Variants in SHISAL1 observed in about 807,000 individuals in gnomAD.
SHISAL1 encodes shisa like 1.
In SHISAL1, 9 loss-of-function variants were observed where a neutral mutation model predicts 22.6. That is an observed-to-expected ratio of 0.40 (90% confidence interval 0.24 to 0.70). The LOEUF (loss-of-function observed/expected upper bound fraction) is 0.70, where lower values mean the gene tolerates loss of function less well. SHISAL1 is among the 30% of genes least tolerant of loss of function. SHISAL1 has a pLI of 0.39. For missense variants in SHISAL1, 246 were observed against 270.6 expected (o/e 0.91, Z 0.64); for synonymous variants, 119 against 115.4 (o/e 1.03, Z -0.20).
intron 4 of SHISAL1, among the ~76,000 whole-genome samples, chr22:44,284,745 C>G (rs135389): frequency 0.57 from 86,434 of 151,966 alleles, 24,867 homozygotes; most frequent in Middle Eastern, 0.62. Context: ...GCTGCACTAC[C>G]CAGGGCCGCC....
At chr22:44,266,928 G>A (rs1171070960) in intron 4 of SHISAL1, among the ~76,000 whole-genome samples, 1 of 152,140 alleles carries the variant, frequency 6.6e-6, no homozygotes, top group Non-Finnish European at 1.5e-5. Context: ...CTTTGCTTCA[G>A]AAAGAAGCTG....
At chr22:44,300,462 G>A in intron 2 of SHISAL1, among the ~76,000 whole-genome samples, 1 of 152,236 alleles carries the variant, frequency 6.6e-6, no homozygotes, top group East Asian at 1.9e-4. Context: ...CCAGGAGGCT[G>A]GTCGGGCTAG....
the SHISAL1 span, among the ~76,000 whole-genome samples, chr22:44,330,850 C>A: frequency 6.6e-6 from 1 of 152,116 alleles, no homozygotes; most frequent in African/African-American, 2.4e-5. Context: ...TGATTCGGCC[C>A]CGGAGGCGAC....
chr22:44,256,043 C>A (rs1257361575), intron 4 of SHISAL1, among the ~76,000 whole-genome samples: 1 of 152,226 alleles, frequency 6.6e-6, no homozygotes, highest in East Asian at 1.9e-4. Flanking sequence ...GGAATTCATG[C>A]TATCTCTGCC....
chr22:44,270,795 G>A (rs769957972), intron 4 of SHISAL1, among the ~76,000 whole-genome samples: 12 of 152,172 alleles, frequency 7.9e-5, no homozygotes, highest in South Asian at 2.1e-4. Flanking sequence ...CACCACTGAC[G>A]GCTGCTTCCA....
chr22:44,285,858 G>A (rs1025136158), intron 3 of SHISAL1, 113 bp from the exon 4 acceptor site: 69 of 907,822 alleles, frequency 7.6e-5, no homozygotes, highest in Admixed American at 2.4e-4. Flanking sequence ...TGGGGTCCCC[G>A]GGAGGAGGGT....
chr22:44,268,510 A>T (rs2055181286), intron 4 of SHISAL1, among the ~76,000 whole-genome samples: 4 of 152,148 alleles, frequency 2.6e-5, no homozygotes, highest in Admixed American at 2.0e-4. Flanking sequence ...GCCTGAGGTT[A>T]AACAGCGAGG....
chr22:44,319,400 C>A, the SHISAL1 span, among the ~76,000 whole-genome samples: 1 of 152,246 alleles, frequency 6.6e-6, no homozygotes, highest in South Asian at 2.1e-4. Context: ...AGGACTCAGG[C>A]TCTTGGCCTT....
chr22:44,313,981 TG>T (rs796115491), upstream of SHISAL1, among the ~76,000 whole-genome samples: 1 of 152,142 alleles, frequency 6.6e-6, no homozygotes, highest in South Asian at 2.1e-4. Context: ...CAGGGGGCTA[TG>T]GGCGCCCAGA....
rs777668181 is a variant in SHISAL1 at position 44,248,814 on chromosome 22, C to T, written c.*871G>A. 12 of 152,248 alleles carry T rather than the reference C, an allele frequency of 7.9e-5. No individual in the cohort carries two copies. Among genetic ancestry groups the T allele is most frequent in the Middle Eastern group, 3.4e-3 (1 of 294 alleles). The allele number at this position is 152,248 out of a possible 1,614,324, so 9.4% of individuals were successfully genotyped here. A position where few individuals can be genotyped will look rare whatever the true frequency, so the allele number is the denominator to read the frequency against. Reference sequence around the variant, plus strand: ...TGTACCCCGGCTGGCGAGCATGTCACGTCCAGGGAGTTGGAGCCTGGACTT... The same window carrying T: ...TGTACCCCGGCTGGCGAGCATGTCATGTCCAGGGAGTTGGAGCCTGGACTT... On this transcript the variant is annotated 3_prime_UTR_variant, in exon 5 of 5. Coordinates refer to ENST00000381176, the MANE Select transcript of SHISAL1 (RefSeq NM_001099294.2).
intron 3 of SHISAL1, among the ~76,000 whole-genome samples, chr22:44,286,344 A>T (rs1364676559): frequency 6.6e-6 from 1 of 152,096 alleles, no homozygotes; most frequent in Non-Finnish European, 1.5e-5. Context: ...TCCGGGCCCC[A>T]TGACCTCACT....
At chr22:44,275,480 G>T (rs966619970) in intron 4 of SHISAL1, among the ~76,000 whole-genome samples, 3 of 152,216 alleles carry the variant, frequency 2.0e-5, no homozygotes, top group Non-Finnish European at 4.4e-5. Context: ...CCAGATCTCA[G>T]GTGCTTTGGG....
rs117011156 is a variant in SHISAL1 at position 44,305,352 on chromosome 22, C to T, written c.-32-4375G>A. Among the ~76,000 whole-genome samples, 760 of 152,308 alleles carry T rather than the reference C, an allele frequency of 5.0e-3. 15 individuals carry two copies. The highest frequency in any genetic ancestry group is 0.041 in the East Asian group (211 of 5,180). ...GGGTGCCCAGCAGCCTCCCGTTATG[C>T]GATTCTTCCCAGGACCTCTTCTACT... On this transcript the variant is annotated intron_variant, in intron 1 of 4. Coordinates refer to ENST00000381176, the MANE Select transcript of SHISAL1 (RefSeq NM_001099294.2).
At chr22:44,321,479 A>G in the SHISAL1 span, among the ~76,000 whole-genome samples, 1 of 124,270 alleles carries the variant, frequency 8.0e-6, no homozygotes, top group Non-Finnish European at 1.6e-5. Context: ...CCCCTTTCCT[A>G]CTGGCAGAAT....
At chr22:44,304,718 A>G (rs761458406) in intron 1 of SHISAL1, among the ~76,000 whole-genome samples, 11 of 152,152 alleles carry the variant, frequency 7.2e-5, no homozygotes, top group Non-Finnish European at 1.3e-4. Context: ...AGTCCTATGG[A>G]TCAGCCCTGG....
rs531664522 is a variant in SHISAL1, at chr22:44,299,615, C to T, written c.67+1264G>A. On this transcript the variant is annotated intron_variant, in intron 2 of 4. Transcript: ENST00000381176. ...ATCCTCATAGCCTCCCTCTGAGCTG[C>T]CCCCAGCAAAGGGGCAGGGGCTGAA... Among the ~76,000 whole-genome samples, 7 of 152,246 alleles carry T rather than the reference C, an allele frequency of 4.6e-5. No homozygotes were observed. The South Asian group carries it at 6.2e-4, about 14-fold the overall frequency.
intron 4 of SHISAL1, among the ~76,000 whole-genome samples, chr22:44,273,487 T>G (rs2055218686): frequency 6.6e-6 from 1 of 152,256 alleles, no homozygotes; most frequent in South Asian, 2.1e-4. Context: ...ATGTATTTAA[T>G]TGCATGTTTA....
At chr22:44,321,254 C>T in the SHISAL1 span, among the ~76,000 whole-genome samples, 449 of 152,344 alleles carry the variant, frequency 2.9e-3, 1 homozygote, top group African/African-American at 0.011. Flanking sequence ...CCAGCCTTGG[C>T]TTCTGCTTAG....
At chr22:44,264,882 G>A (rs1208600305) in intron 4 of SHISAL1, among the ~76,000 whole-genome samples, 8 of 150,324 alleles carry the variant, frequency 5.3e-5, no homozygotes, top group African/African-American at 9.8e-5. Context: ...GATCTTGGGC[G>A]AGGTCCCCAA....
Sources: gnomAD v4.1 joint callset for allele counts (sites outside exome capture counted in the v4.1 genomes callset) on GRCh38, gnomAD v4.1.1 for gene constraint, MANE v1.5 for transcripts, NCBI Gene and HGNC (gene_info 2026-07-23, HGNC 2026-07-21) for gene names.